The following ERP27 variants were observed in gnomAD, a reference collection of about 807,000 sequenced individuals.
The protein encoded by ERP27 is endoplasmic reticulum resident protein 27.
ERP27 carries 23 observed loss-of-function variants against 27.7 expected under a neutral mutation model. The observed-to-expected ratio is 0.83, with a 90% CI of 0.60 to 1.18. The LOEUF is 1.18. Among genes scored for constraint, ERP27 ranks in the 50% most tolerant of loss-of-function variants. The pLI is 0.00. For missense variants in ERP27, 363 were observed against 327.9 expected, an observed-to-expected ratio of 1.11 and a Z score of -0.83; for synonymous variants, 159 against 118.3, an observed-to-expected ratio of 1.34 and a Z score of -2.23.
chr12:14,931,923 G>A (rs1193784696), intron 3 of ERP27, among the ~76,000 whole-genome samples: 1 of 152,138 alleles, frequency 6.6e-6, no homozygotes. Context: ...AAAGGCATTT[G>A]CCTAACCTTC....
rs1565450639 is a variant in ERP27 at position 14,923,487 on chromosome 12, T to TC, written c.334-2440_334-2439insG. On this transcript the variant is annotated intron_variant, in intron 3 of 6. Transcript: ENST00000266397. The stretch of plus-strand genomic sequence containing the variant: ...TTACTATATAATATCTATCTATCTA[T>TC]AATCAATCTATCTATCTATCTATCT... Among the ~76,000 whole-genome samples the TC allele has an allele frequency of 2.4e-3, 347 of 145,918 alleles. 1 individual carries two copies. The highest frequency in any genetic ancestry group is 8.4e-3 in the African/African-American group (332 of 39,610).
intron 3 of ERP27, among the ~76,000 whole-genome samples, chr12:14,926,285 G>C (rs1454291354): frequency 6.6e-6 from 1 of 152,054 alleles, no homozygotes; most frequent in African/African-American, 2.4e-5. Context: ...ACTTTGTTTG[G>C]TATTAATATA....
intron 2 of ERP27, among the ~76,000 whole-genome samples, chr12:14,935,481 G>A (rs1863760601): frequency 6.6e-6 from 1 of 152,184 alleles, no homozygotes; most frequent in Non-Finnish European, 1.5e-5. Flanking sequence ...GGCAAAAATA[G>A]GAGTTATATA....
intron 3 of ERP27, 108 bp downstream of exon 3, chr12:14,934,748 T>G: frequency 7.5e-7 from 1 of 1,338,520 alleles, no homozygotes; most frequent in Non-Finnish European, 1.0e-6. Flanking sequence ...CTGAATTTGG[T>G]ACCATCATTA....
chr12:14,938,125 A>G, intron 1 of ERP27, 73 bp from the exon 2 acceptor site: 1 of 1,222,306 alleles, frequency 8.2e-7, no homozygotes, highest in South Asian at 1.2e-5. Context: ...GGGCATCTAT[A>G]CCTTTTATCT....
rs776968308 is a variant in ERP27, at chr12:14,915,541, G to C, written c.722C>G (p.Ser241Cys). The change falls in exon 6 of 7, where the codon TCC becomes TGC. Residue 241 changes from serine (S) to cysteine (C), a missense_variant. Coordinates refer to ENST00000266397, the MANE Select transcript of ERP27 (RefSeq NM_152321.4). The part of the protein sequence containing the change: ...EWDTLPTAEV[S>C]VEHVQNFCDG... ...ACAAAAGTTTTGCACATGCTCTACG[G>C]AAACTTCTGCTGTGGGCAGTGTATC... 1 of 1,614,108 alleles carries C rather than the reference G, an allele frequency of 6.2e-7. No homozygotes were observed. Among genetic ancestry groups the C allele is most frequent in the African/African-American group, 1.3e-5 (1 of 74,952 alleles).
chr12:14,924,707 A>T lies in ERP27; in HGVS notation c.334-3659T>A, dbSNP rs151156074. On this transcript the variant is annotated intron_variant, in intron 3 of 6. Coordinates refer to ENST00000266397, the MANE Select transcript of ERP27 (RefSeq NM_152321.4). ...TCGCTGTCAGAGATGTTTGAGCCAGAGCAACTCCATCTTGAATAGGGGATA... is the reference window on the plus strand; with the variant it reads ...TCGCTGTCAGAGATGTTTGAGCCAGTGCAACTCCATCTTGAATAGGGGATA... Among the ~76,000 whole-genome samples the T allele has an allele frequency of 5.3e-5, 8 of 152,322 alleles. No individual in the cohort carries two copies. In the South Asian group the frequency reaches 8.3e-4, roughly 16 times the overall value.
At chr12:14,932,709 A>G (rs1438539950) in intron 3 of ERP27, among the ~76,000 whole-genome samples, 2 of 152,242 alleles carry the variant, frequency 1.3e-5, no homozygotes, top group Non-Finnish European at 2.9e-5. Flanking sequence ...TAAAGTAGTA[A>G]AAGGAGATCT....
Position 14,917,271 on chromosome 12 carries a change from C to T in ERP27, c.483G>A (p.Gln161=). ...TVIGLFNSVI[Q]IHLLLIMNKA... is the part of the protein sequence containing the mutation. ...TGTTCATTATCAGGAGGAGATGAATCTGAATTACGCTGTTGAATAACCCAA... is the reference window on the plus strand; with the variant it reads ...TGTTCATTATCAGGAGGAGATGAATTTGAATTACGCTGTTGAATAACCCAA... The change falls in exon 5 of 7, where the codon CAG becomes CAA. Residue 161 remains glutamine, a synonymous_variant. Coordinates refer to ENST00000266397, the MANE Select transcript of ERP27 (RefSeq NM_152321.4). 1 of 1,614,146 alleles carries T rather than the reference C, an allele frequency of 6.2e-7. No individual in the cohort carries two copies. The highest frequency in any genetic ancestry group is 8.5e-7 in the Non-Finnish European group (1 of 1,180,006).
chr12:14,935,489 A>T (rs1296958287), intron 2 of ERP27, among the ~76,000 whole-genome samples: 2 of 152,252 alleles, frequency 1.3e-5, no homozygotes, highest in Non-Finnish European at 2.9e-5. Context: ...TAGGAGTTAT[A>T]TAGTTTTTAA....
chr12:14,926,658 T>C (rs1374747672), intron 3 of ERP27, among the ~76,000 whole-genome samples: 4 of 152,198 alleles, frequency 2.6e-5, no homozygotes, highest in Admixed American at 2.6e-4. Context: ...TCTCAGAACC[T>C]AATATTAATT....
intron 3 of ERP27, among the ~76,000 whole-genome samples, chr12:14,928,113 G>A (rs984170839): frequency 1.3e-5 from 2 of 152,116 alleles, no homozygotes; most frequent in Admixed American, 6.5e-5. Flanking sequence ...AGATCCTTAG[G>A]CCATCTGCTC....
At chr12:14,930,768 T>C (rs1863685986) in intron 3 of ERP27, among the ~76,000 whole-genome samples, 1 of 152,226 alleles carries the variant, frequency 6.6e-6, no homozygotes, top group African/African-American at 2.4e-5. Context: ...ATGAGTAATA[T>C]CCATTTATTG....
intron 5 of ERP27, chr12:14,915,918 A>C: frequency 2.2e-6 from 1 of 447,404 alleles, no homozygotes; most frequent in Non-Finnish European, 4.0e-6. Context: ...TAACACAGGA[A>C]GAGAAAACCA....
At position 14,914,600 on chromosome 12, in the gene ERP27, G is replaced by A. The variant is rs777400742; in HGVS notation, c.*135C>T. On this transcript the variant is annotated 3_prime_UTR_variant, in exon 7 of 7. Transcript: ENST00000266397. ...TGTGCGTGTGTGTGTGCACGCGTGC[G>A]TGCGTGTGTGCACGTGCGTGTGTGT... 3.9e-5 allele frequency: 26 copies of A among 660,500 alleles called. No individual in the cohort carries two copies. Among genetic ancestry groups the A allele is most frequent in the Middle Eastern group, 2.8e-4 (1 of 3,628 alleles). The allele number at this position is 660,500 out of a possible 1,614,324, so 40.9% of individuals were successfully genotyped here.
At chr12:14,935,105 C>T in intron 2 of ERP27, 112 bp from the exon 3 acceptor site, 1 of 1,495,700 alleles carries the variant, frequency 6.7e-7, no homozygotes, top group Non-Finnish European at 8.9e-7. Flanking sequence ...ATTTGATTTA[C>T]TGCCCAGTAA....
chr12:14,921,890 T>C (rs1028066797), intron 3 of ERP27, among the ~76,000 whole-genome samples: 1 of 152,212 alleles, frequency 6.6e-6, no homozygotes, highest in Non-Finnish European at 1.5e-5. Context: ...TGCTATAGTT[T>C]AGTTTTACCT....
intron 3 of ERP27, among the ~76,000 whole-genome samples, chr12:14,925,502 T>C (rs1863586447): frequency 6.6e-6 from 1 of 152,188 alleles, no homozygotes; most frequent in South Asian, 2.1e-4. Context: ...CAGTTCAAAA[T>C]GTTTCCTAAT....
intron 3 of ERP27, among the ~76,000 whole-genome samples, chr12:14,929,535 C>G (rs1174300609): frequency 6.6e-6 from 1 of 152,050 alleles, no homozygotes; most frequent in Non-Finnish European, 1.5e-5. Context: ...TTTAAAATGT[C>G]TTTTTTCAGT....
Sources: allele counts gnomAD v4.1 joint callset (sites outside exome capture counted in the v4.1 genomes callset), GRCh38; gene constraint gnomAD v4.1.1; transcripts MANE v1.5; gene names NCBI Gene and HGNC (gene_info 2026-07-23, HGNC 2026-07-21).